Variants in ABCB7 observed in about 807,000 individuals in gnomAD.
ABCB7 encodes ATP binding cassette subfamily B member 7, also known as iron-sulfur clusters transporter ABCB7, mitochondrial.
In ABCB7, 7 loss-of-function variants were observed where a neutral mutation model predicts 54.4. The ratio of observed to expected loss-of-function variants is 0.13; its 90% CI spans 0.07 to 0.24. ABCB7 has a LOEUF of 0.24. Among genes scored for constraint, ABCB7 ranks in the 10% least tolerant of loss-of-function variants. The pLI is 1.00. For missense variants in ABCB7, 356 were observed against 570.4 expected, an observed-to-expected ratio of 0.62 and a Z score of 3.83; for synonymous variants, 218 against 207.1, an observed-to-expected ratio of 1.05 and a Z score of -0.45.
intron 1 of ABCB7, among the ~76,000 whole-genome samples, chrX:75,127,628 T>C (rs928336753): frequency 9.0e-6 from 1 of 111,672 alleles, no homozygotes; most frequent in Non-Finnish European, 1.9e-5. Flanking sequence ...TTGTCTCTGT[T>C]TGCAAATGAC....
chrX:75,147,048 A>C (rs762313110), intron 1 of ABCB7, among the ~76,000 whole-genome samples: 1 of 110,920 alleles, frequency 9.0e-6, no homozygotes, highest in Non-Finnish European at 1.9e-5. Context: ...TGCAGCCAAC[A>C]AGCACACAAA....
intron 1 of ABCB7, among the ~76,000 whole-genome samples, chrX:75,145,771 C>A (rs1056438398): frequency 7.2e-5 from 8 of 110,378 alleles, no homozygotes; most frequent in Admixed American, 1.9e-4. Context: ...ACAGGGCATC[C>A]AAATAGGAAG....
intron 2 of ABCB7, 105 bp from the exon 3 acceptor site, chrX:75,113,077 T>C (rs1291233907): frequency 1.5e-6 from 1 of 651,189 alleles, no homozygotes; most frequent in African/African-American, 2.1e-5. Flanking sequence ...CAAAACAAAT[T>C]CACAGGTATA....
intron 8 of ABCB7, 143 bp from the exon 9 acceptor site, chrX:75,071,826 G>T: frequency 2.3e-6 from 1 of 427,470 alleles, no homozygotes; most frequent in Non-Finnish European, 4.0e-6. Context: ...CAATATATTG[G>T]ACTATGATAT....
chrX:75,085,094 G>A (rs2081486801), intron 4 of ABCB7, among the ~76,000 whole-genome samples: 1 of 112,039 alleles, frequency 8.9e-6, no homozygotes, highest in South Asian at 3.7e-4. Flanking sequence ...ACTCTTAAGT[G>A]TTTATTCTAG....
At chrX:75,080,543 G>C (rs1236575437) in intron 4 of ABCB7, among the ~76,000 whole-genome samples, 1 of 111,345 alleles carries the variant, frequency 9.0e-6, no homozygotes, top group Admixed American at 9.5e-5. Context: ...GGGCTCAAGT[G>C]ATCTCCTGCC....
At chrX:75,068,135 A>AT (rs919185952) in intron 12 of ABCB7, among the ~76,000 whole-genome samples, 6 of 110,737 alleles carry the variant, frequency 5.4e-5, no homozygotes, top group Non-Finnish European at 9.4e-5. Context: ...AACATGTGGG[A>AT]TTTTCAGTGA....
chrX:75,133,723 A>G lies in ABCB7; in HGVS notation c.169-18892T>C, dbSNP rs1323055037. On this transcript the variant is annotated intron_variant, in intron 1 of 15. Transcript: ENST00000373394. Reference sequence around the variant, plus strand: ...AATTCTAGCCAATAATTTAATATCCAGCCAAACTAAGCTTCGTAAGCAAAG... The same window carrying G: ...AATTCTAGCCAATAATTTAATATCCGGCCAAACTAAGCTTCGTAAGCAAAG... Among the ~76,000 whole-genome samples the G allele has an allele frequency of 1.6e-4, 18 of 112,106 alleles. 1 individual carries two copies. Among genetic ancestry groups the G allele is most frequent in the Non-Finnish European group, 3.4e-4 (18 of 53,230 alleles).
chrX:75,064,462 A>G (rs777632687), intron 13 of ABCB7, among the ~76,000 whole-genome samples: 15 of 104,873 alleles, frequency 1.4e-4, no homozygotes, highest in African/African-American at 5.5e-4. Flanking sequence ...GTGTCCTCCA[A>G]AAAAAAAATC....
At chrX:75,073,642 C>G (rs1175691984) in intron 8 of ABCB7, 47 bp downstream of exon 8, 16 of 994,223 alleles carry the variant, frequency 1.6e-5, no homozygotes, top group Non-Finnish European at 2.3e-5. Context: ...TAGATCAAAT[C>G]TTAGTGCAGT....
At chrX:75,088,209 A>G (rs1312751074) in intron 4 of ABCB7, among the ~76,000 whole-genome samples, 1 of 112,407 alleles carries the variant, frequency 8.9e-6, no homozygotes, top group Non-Finnish European at 1.9e-5. Flanking sequence ...ACTCCTAGCC[A>G]GATAAACATA....
intron 14 of ABCB7, among the ~76,000 whole-genome samples, chrX:75,060,600 GA>G (rs2081275302): frequency 9.0e-6 from 1 of 111,515 alleles, no homozygotes; most frequent in African/African-American, 3.3e-5. Flanking sequence ...AAATCTGGGA[GA>G]AAGTAGATAT....
intron 3 of ABCB7, among the ~76,000 whole-genome samples, chrX:75,104,016 T>C (rs2081662436): frequency 1.0e-5 from 1 of 98,413 alleles, no homozygotes; most frequent in Non-Finnish European, 2.0e-5. Flanking sequence ...TGAATACGAG[T>C]AGTGAAAATG....
At chrX:75,124,457 T>C (rs766120108) in intron 1 of ABCB7, among the ~76,000 whole-genome samples, 2 of 111,931 alleles carry the variant, frequency 1.8e-5, no homozygotes, top group East Asian at 5.6e-4. Flanking sequence ...ATCAAGAAAA[T>C]TGCACACTGC....
intron 4 of ABCB7, among the ~76,000 whole-genome samples, chrX:75,095,812 T>C (rs774060041): frequency 2.7e-5 from 3 of 112,244 alleles, no homozygotes; most frequent in Admixed American, 9.4e-5. Flanking sequence ...TAGTTGTTGA[T>C]TAAAGAATCA....
chrX:75,138,882 C>T (rs2082034472), intron 1 of ABCB7, among the ~76,000 whole-genome samples: 1 of 108,947 alleles, frequency 9.2e-6, no homozygotes, highest in Admixed American at 9.9e-5. Context: ...GTGGTATGCA[C>T]CTGTAGTCCC....
chrX:75,153,756 G>GTATATATATATATATATA (rs10626282), intron 1 of ABCB7, among the ~76,000 whole-genome samples: 27 of 91,867 alleles, frequency 2.9e-4, no homozygotes, highest in Admixed American at 7.4e-4. Context: ...GCGTGTGTGT[G>GTATATATATATATATATA]TGTGTATATA....
At chrX:75,099,207 C>A in intron 3 of ABCB7, 146 bp from the exon 4 acceptor site, 1 of 661,500 alleles carries the variant, frequency 1.5e-6, no homozygotes, top group Non-Finnish European at 2.2e-6. Flanking sequence ...TAATATCTTT[C>A]AAAATCAAAA....
chrX:75,119,221 T>C (rs987528965), intron 1 of ABCB7, among the ~76,000 whole-genome samples: 5 of 112,346 alleles, frequency 4.5e-5, no homozygotes. Context: ...AATGAGTTTT[T>C]GGTAAAAGAT....
Sources: allele counts gnomAD v4.1 joint callset (sites outside exome capture counted in the v4.1 genomes callset), GRCh38; gene constraint gnomAD v4.1.1; transcripts MANE v1.5; gene names NCBI Gene and HGNC (gene_info 2026-07-23, HGNC 2026-07-21).